The following LRBA variants were observed in gnomAD, a reference collection of about 807,000 sequenced individuals.
The protein encoded by LRBA is LPS responsive beige-like anchor protein, also known as lipopolysaccharide-responsive and beige-like anchor protein.
Under a neutral mutation model 330.0 loss-of-function variants are expected in LRBA, and 176 were observed. That is an observed-to-expected ratio of 0.53 (90% CI 0.47 to 0.60). The LOEUF (loss-of-function observed/expected upper bound fraction) is 0.60, where lower values mean the gene tolerates loss of function less well. LRBA is among the 20% of genes least tolerant of loss of function. The pLI is 0.00. For missense variants in LRBA, 3,259 were observed against 3,444.8 expected (o/e 0.95, Z 1.35); for synonymous variants, 1,230 against 1,193.0 (o/e 1.03, Z -0.64).
Position 150,441,847 on chromosome 4 carries a change from T to C in LRBA, c.6781-4983A>G, listed in dbSNP as rs577397416. On this transcript the variant is annotated intron_variant, in intron 44 of 56. Coordinates refer to ENST00000651943, the MANE Select transcript of LRBA (RefSeq NM_001364905.1). ...CTAATTTCAAAAATGTGCTGTAATC[T>C]CAATTTTTCAAATATTTCTTTACTT... Among the ~76,000 whole-genome samples, 5 of 152,184 alleles carry C rather than the reference T, an allele frequency of 3.3e-5. No individual in the cohort carries two copies. In the South Asian group the frequency reaches 6.2e-4, roughly 19 times the overall value.
chr4:150,921,339 G>T, intron 4 of LRBA, 46 bp from the exon 5 acceptor site: 1 of 1,164,386 alleles, frequency 8.6e-7, no homozygotes, highest in Non-Finnish European at 1.3e-6. Context: ...TTTACCATAA[G>T]ATAAAAAAAA....
At chr4:150,993,325 A>C (rs1186431401) in intron 2 of LRBA, among the ~76,000 whole-genome samples, 1 of 152,182 alleles carries the variant, frequency 6.6e-6, no homozygotes. Flanking sequence ...AGAATAAAAA[A>C]TAAATGAAAA....
intron 47 of LRBA, among the ~76,000 whole-genome samples, chr4:150,361,955 G>C (rs1401075110): frequency 6.6e-6 from 1 of 151,900 alleles, no homozygotes; most frequent in Non-Finnish European, 1.5e-5. Flanking sequence ...GTATTTTTTA[G>C]TAGAGACGGG....
intron 2 of LRBA, among the ~76,000 whole-genome samples, chr4:150,940,909 A>G (rs1344623025): frequency 1.3e-5 from 2 of 151,692 alleles, no homozygotes; most frequent in Admixed American, 6.6e-5. Context: ...AAGGGCCTCT[A>G]TTTCATAATT....
At chr4:150,928,366 G>T (rs550933766) in intron 4 of LRBA, 150 bp downstream of exon 4, 135 of 560,246 alleles carry the variant, frequency 2.4e-4, no homozygotes, top group Admixed American at 1.7e-3. Flanking sequence ...AGTATGGCAC[G>T]AGTAGCCACA....
intron 4 of LRBA, among the ~76,000 whole-genome samples, chr4:150,922,417 T>TATATATATATATATATA (rs1561010323): frequency 1.4e-5 from 2 of 147,806 alleles, no homozygotes; most frequent in African/African-American, 2.5e-5. Flanking sequence ...TATATATATA[T>TATATATATATATATATA]GATGGAATAC....
chr4:150,387,447 A>T (rs944326941), intron 47 of LRBA, among the ~76,000 whole-genome samples: 1 of 152,174 alleles, frequency 6.6e-6, no homozygotes, highest in African/African-American at 2.4e-5. Context: ...ACTAGGCTTG[A>T]TATATTTGAT....
chr4:150,874,257 C>T (rs151326588), intron 17 of LRBA, among the ~76,000 whole-genome samples: 11 of 152,196 alleles, frequency 7.2e-5, no homozygotes, highest in East Asian at 1.9e-4. Context: ...CCCTAGTTCC[C>T]GAGAGCACTT....
chr4:150,347,029 C>G (rs1194676816), intron 48 of LRBA, among the ~76,000 whole-genome samples: 1 of 152,072 alleles, frequency 6.6e-6, no homozygotes, highest in African/African-American at 2.4e-5. Flanking sequence ...TGGAATATTA[C>G]TCAGCCTAAA....
intron 17 of LRBA, among the ~76,000 whole-genome samples, chr4:150,881,677 G>T (rs1340294218): frequency 1.3e-5 from 2 of 152,018 alleles, no homozygotes; most frequent in Non-Finnish European, 2.9e-5. Flanking sequence ...ATAAAGGTGG[G>T]AATTATTAAC....
intron 2 of LRBA, among the ~76,000 whole-genome samples, chr4:150,929,822 TA>T (rs1734272657): frequency 6.6e-6 from 1 of 152,008 alleles, no homozygotes; most frequent in African/African-American, 2.4e-5. Flanking sequence ...TTTTTAAATT[TA>T]AATTTTTTTA....
At chr4:150,868,384 T>C (rs1753006425) in intron 20 of LRBA, 79 bp from the exon 21 acceptor site, 1 of 985,634 alleles carries the variant, frequency 1.0e-6, no homozygotes, top group Non-Finnish European at 1.4e-6. Flanking sequence ...CTATTGCAAT[T>C]TCTTTAGTTT....
chr4:150,350,175 C>T lies in LRBA; in HGVS notation c.7195-16G>A, dbSNP rs1167527755. The stretch of plus-strand genomic sequence containing the variant: ...TCTCCAGGGCCTGAAAAAAGGTATA[C>T]ATTGTATTACTATGCTGAATTCCTT... On this transcript the variant is annotated splice_polypyrimidine_tract_variant and intron_variant, in intron 47 of 56. Coordinates refer to ENST00000651943, the MANE Select transcript of LRBA (RefSeq NM_001364905.1). The T allele has an allele frequency of 4.0e-6, 6 of 1,518,752 alleles. No homozygotes were observed. The South Asian group carries it at 7.9e-5, about 20-fold the overall frequency. The allele number at this position is 1,518,752 out of a possible 1,614,324, so 94.1% of individuals were successfully genotyped here.
At chr4:150,896,548 A>G in intron 15 of LRBA, 92 bp from the exon 16 acceptor site, 2 of 658,720 alleles carry the variant, frequency 3.0e-6, no homozygotes, top group East Asian at 5.9e-5. Flanking sequence ...TTGGTCAGCT[A>G]CTATAAATAT....
At chr4:150,867,925 A>G (rs972392132) in intron 21 of LRBA, 62 bp from the exon 22 acceptor site, 16 of 1,373,538 alleles carry the variant, frequency 1.2e-5, no homozygotes, top group Non-Finnish European at 1.6e-5. Context: ...AATAAATCTA[A>G]AGGTTTAAAA....
chr4:150,959,148 G>A (rs1737863472), intron 2 of LRBA, among the ~76,000 whole-genome samples: 1 of 149,464 alleles, frequency 6.7e-6, no homozygotes. Flanking sequence ...TACATGCCTG[G>A]AGAGGCCTCA....
In LRBA at chr4:150,697,332, A is replaced by AAAAAAAC. The variant is rs1561527520; in HGVS notation, c.5755-13616_5755-13615insGTTTTTT. Among the ~76,000 whole-genome samples, 7 of 142,730 alleles carry AAAAAAAC rather than the reference A, an allele frequency of 4.9e-5. 2 individuals carry two copies. The highest frequency in any genetic ancestry group is 2.7e-4 in the Admixed American group (4 of 14,652). The allele number at this position is 142,730 out of a possible 152,430, so 93.6% of individuals were successfully genotyped here. On this transcript the variant is annotated intron_variant, in intron 36 of 56. Coordinates refer to ENST00000651943, the MANE Select transcript of LRBA (RefSeq NM_001364905.1). ...GAGTGAGACTTTGTCTCAGAAAAAA[A>AAAAAAAC]AAAAAAAAAAAAAAAAAAACAGGGA...
At chr4:150,772,341 G>A (rs575820924) in intron 34 of LRBA, among the ~76,000 whole-genome samples, 3 of 152,200 alleles carry the variant, frequency 2.0e-5, no homozygotes, top group South Asian at 2.1e-4. Flanking sequence ...CCATAGGTAC[G>A]GGCTGGCAAA....
rs376126419 is a variant in LRBA, at chr4:150,599,000, C to A, written c.6046+7G>T. On this transcript the variant is annotated splice_region_variant and intron_variant, in intron 38 of 56. Coordinates refer to ENST00000651943, the MANE Select transcript of LRBA (RefSeq NM_001364905.1). ...TGCTATTGGCAAGGAATGGTTTATA[C>A]ACTGACCATGTTCCACGGCTGTTTT... The A allele has an allele frequency of 1.1e-4, 183 of 1,613,850 alleles. No homozygotes were observed. Among genetic ancestry groups the A allele is most frequent in the Non-Finnish European group, 1.5e-4 (180 of 1,179,912 alleles).
Sources: allele counts gnomAD v4.1 joint callset (sites outside exome capture counted in the v4.1 genomes callset), GRCh38; gene constraint gnomAD v4.1.1; transcripts MANE v1.5; gene names NCBI Gene and HGNC (gene_info 2026-07-23, HGNC 2026-07-21).